Variants in B3GALT1 observed in about 807,000 individuals in gnomAD.
The protein encoded by B3GALT1 is UDP-Gal:betaGlcNAc beta 1,3-galactosyltransferase, polypeptide 1.
In B3GALT1, 10 loss-of-function variants were observed where a neutral mutation model predicts 23.2. The observed-to-expected ratio is 0.43, with a 90% CI of 0.27 to 0.73. B3GALT1 has a LOEUF of 0.73. Among genes scored for constraint, B3GALT1 ranks in the 30% least tolerant of loss-of-function variants. The pLI, the probability that B3GALT1 is intolerant of heterozygous loss-of-function variation, is 0.21. For synonymous variants in B3GALT1, 156 were observed against 141.5 expected (o/e 1.10, Z -0.73); for missense variants, 299 against 405.4 (o/e 0.74, Z 2.25).
At chr2:167,335,544 T>TGAGTTTCCGGGGAAGGGGGTGGG (rs1697044742) in intron 1 of B3GALT1, among the ~76,000 whole-genome samples, 1 of 152,208 alleles carries the variant, frequency 6.6e-6, no homozygotes, top group East Asian at 1.9e-4. Context: ...GGATTATTCA[T>TGAGTTTCCGGGGAAGGGGGTGGG]GAGTTTCCGG....
At chr2:167,511,673 A>C (rs1201614077) in intron 2 of B3GALT1, among the ~76,000 whole-genome samples, 2 of 152,160 alleles carry the variant, frequency 1.3e-5, no homozygotes, top group African/African-American at 4.8e-5. Context: ...TTTAATTAGG[A>C]AAGTCTTCCA....
intron 1 of B3GALT1, among the ~76,000 whole-genome samples, chr2:167,471,311 T>C (rs1699415632): frequency 1.3e-5 from 2 of 152,188 alleles, no homozygotes; most frequent in African/African-American, 4.8e-5. Flanking sequence ...AGAAGCATTC[T>C]TACACGCAAG....
chr2:167,571,953 T>C (rs186702365), intron 2 of B3GALT1, among the ~76,000 whole-genome samples: 2 of 151,986 alleles, frequency 1.3e-5, no homozygotes, highest in East Asian at 3.9e-4. Flanking sequence ...ATACAACTTT[T>C]ACAATCAAAC....
intron 3 of B3GALT1, among the ~76,000 whole-genome samples, chr2:167,730,919 A>G (rs1351474873): frequency 6.6e-6 from 1 of 152,222 alleles, no homozygotes; most frequent in Non-Finnish European, 1.5e-5. Context: ...ATTTCCTTCC[A>G]AATACTATCT....
rs10208250 is a variant in B3GALT1 at position 167,673,001 on chromosome 2, G to T, written c.-352+26035G>T. Among the ~76,000 whole-genome samples, 429 of 148,954 alleles carry T rather than the reference G, an allele frequency of 2.9e-3. 3 individuals carry two copies. The highest frequency in any genetic ancestry group is 9.9e-3 in the African/African-American group (397 of 40,026). ...GAGACTGTGTGTGTGTGGGAGGGGG[G>T]TATCTGGGGGTATCTAATAAAGGTG... On this transcript the variant is annotated intron_variant, in intron 3 of 4. Transcript: ENST00000392690.
chr2:167,735,723 A>AAGT (rs2105270559), intron 3 of B3GALT1, among the ~76,000 whole-genome samples: 1 of 152,362 alleles, frequency 6.6e-6, no homozygotes, highest in Non-Finnish European at 1.5e-5. Flanking sequence ...ACTCTGTCCC[A>AAGT]AGTGCCCTAG....
chr2:167,840,787 C>T (rs1174519410), intron 4 of B3GALT1, among the ~76,000 whole-genome samples: 3 of 147,546 alleles, frequency 2.0e-5, no homozygotes, highest in Admixed American at 6.8e-5. Flanking sequence ...AAATGTCCAA[C>T]AATGATAGAC....
Position 167,319,134 on chromosome 2 carries a change from A to C in B3GALT1, c.-511+25800A>C, listed in dbSNP as rs114267532. Among the ~76,000 whole-genome samples the C allele has an allele frequency of 3.9e-3, 599 of 152,246 alleles. 6 individuals carry two copies. The highest frequency in any genetic ancestry group is 0.013 in the African/African-American group (546 of 41,566). On this transcript the variant is annotated intron_variant, in intron 1 of 4. Transcript: ENST00000392690. ...CTCTTTGTGGGGAATGGTAATGGCC[A>C]GGGCACACTGGAGGTTGACCTCCTT...
chr2:167,798,464 A>G (rs566219390), intron 3 of B3GALT1, among the ~76,000 whole-genome samples: 1 of 152,214 alleles, frequency 6.6e-6, no homozygotes, highest in South Asian at 2.1e-4. Context: ...TTTTTGTACA[A>G]GGTATAAGGG....
intron 1 of B3GALT1, among the ~76,000 whole-genome samples, chr2:167,370,324 T>C (rs1441069753): frequency 6.6e-6 from 1 of 152,206 alleles, no homozygotes; most frequent in Non-Finnish European, 1.5e-5. Flanking sequence ...CAGGGGCATA[T>C]ATAACACCTA....
At chr2:167,811,109 G>C (rs1688880034) in intron 3 of B3GALT1, among the ~76,000 whole-genome samples, 1 of 152,160 alleles carries the variant, frequency 6.6e-6, no homozygotes, top group Admixed American at 6.5e-5. Context: ...ATTAATCAAA[G>C]TACTGAATAG....
intron 1 of B3GALT1, among the ~76,000 whole-genome samples, chr2:167,428,104 A>G (rs899675181): frequency 6.6e-6 from 1 of 152,268 alleles, no homozygotes; most frequent in Non-Finnish European, 1.5e-5. Flanking sequence ...CGAGCCACAC[A>G]TAAATACAGA....
At chr2:167,636,439 G>T (rs1574182114) in intron 2 of B3GALT1, among the ~76,000 whole-genome samples, 1 of 152,052 alleles carries the variant, frequency 6.6e-6, no homozygotes, top group Non-Finnish European at 1.5e-5. Context: ...ATTCCTCAAG[G>T]ATCTATAACT....
At chr2:167,778,865 G>T (rs1688204164) in intron 3 of B3GALT1, among the ~76,000 whole-genome samples, 1 of 152,154 alleles carries the variant, frequency 6.6e-6, no homozygotes, top group East Asian at 1.9e-4. Context: ...TGGACTGAGG[G>T]GAGGGGACCA....
intron 1 of B3GALT1, among the ~76,000 whole-genome samples, chr2:167,483,171 T>C (rs948362028): frequency 6.6e-5 from 10 of 151,952 alleles, no homozygotes; most frequent in Non-Finnish European, 1.2e-4. Flanking sequence ...CGCATGCCTG[T>C]AATCCCAGCT....
At chr2:167,625,225 T>TA (rs1685321278) in intron 2 of B3GALT1, among the ~76,000 whole-genome samples, 2 of 151,828 alleles carry the variant, frequency 1.3e-5, no homozygotes, top group South Asian at 4.1e-4. Flanking sequence ...TTTTGATTTT[T>TA]AAAAAAATAT....
chr2:167,701,785 C>G (rs576785115), intron 3 of B3GALT1, among the ~76,000 whole-genome samples: 1 of 152,166 alleles, frequency 6.6e-6, no homozygotes, highest in Admixed American at 6.5e-5. Context: ...TTTGGCATAA[C>G]GTTTCCTGGC....
chr2:167,410,516 G>A (rs1259259701), intron 1 of B3GALT1, among the ~76,000 whole-genome samples: 1 of 147,136 alleles, frequency 6.8e-6, no homozygotes. Flanking sequence ...AAAAAAAGTG[G>A]GAGTTCAACA....
intron 4 of B3GALT1, among the ~76,000 whole-genome samples, chr2:167,854,246 G>A (rs571372071): frequency 7.9e-5 from 12 of 152,140 alleles, no homozygotes; most frequent in African/African-American, 2.9e-4. Flanking sequence ...AGACAATGGT[G>A]TGTGGCTAAG....
Sources: gnomAD v4.1 joint callset for allele counts (sites outside exome capture counted in the v4.1 genomes callset) on GRCh38, gnomAD v4.1.1 for gene constraint, MANE v1.5 for transcripts, NCBI Gene and HGNC (gene_info 2026-07-23, HGNC 2026-07-21) for gene names.